The following CALN1 variants were observed in gnomAD, a reference collection of about 807,000 sequenced individuals.
CALN1 encodes the protein calcium-binding protein 8.
Under a neutral mutation model 30.6 loss-of-function variants are expected in CALN1, and 17 were observed. That is an observed-to-expected ratio of 0.56 (90% CI 0.38 to 0.83). The LOEUF (loss-of-function observed/expected upper bound fraction) is 0.83, where lower values mean the gene tolerates loss of function less well. Among genes scored for constraint, CALN1 ranks in the 40% least tolerant of loss-of-function variants. The pLI is 0.00. For missense variants in CALN1, 291 were observed against 354.9 expected, an observed-to-expected ratio of 0.82 and a Z score of 1.45; for synonymous variants, 156 against 131.4, an observed-to-expected ratio of 1.19 and a Z score of -1.28.
At chr7:72,223,557 G>C (rs919369124) in intron 3 of CALN1, among the ~76,000 whole-genome samples, 3 of 152,144 alleles carry the variant, frequency 2.0e-5, no homozygotes, top group African/African-American at 7.2e-5. Flanking sequence ...CACTTTCCCT[G>C]AACTTGGTCT....
At chr7:72,314,426 C>T (rs958048676) in intron 2 of CALN1, among the ~76,000 whole-genome samples, 10 of 118,632 alleles carry the variant, frequency 8.4e-5, no homozygotes, top group East Asian at 3.5e-4. Flanking sequence ...TACACACATA[C>T]ATAGATTTTT....
intron 5 of CALN1, among the ~76,000 whole-genome samples, chr7:71,831,305 C>A (rs1445457498): frequency 1.3e-5 from 2 of 151,984 alleles, no homozygotes; most frequent in Non-Finnish European, 2.9e-5. Flanking sequence ...ATGGTGAAAC[C>A]CCGTCTCTAC....
At chr7:72,434,391 G>A (rs971300793) in intron 1 of CALN1, among the ~76,000 whole-genome samples, 5 of 151,370 alleles carry the variant, frequency 3.3e-5, no homozygotes, top group African/African-American at 7.3e-5. Context: ...GCGTACTGGC[G>A]GGCACCTGTA....
chr7:72,188,826 T>C (rs1790396071), intron 3 of CALN1, among the ~76,000 whole-genome samples: 1 of 152,164 alleles, frequency 6.6e-6, no homozygotes, highest in South Asian at 2.1e-4. Flanking sequence ...GTGTCCGTCT[T>C]TCTCCCACCT....
intron 1 of CALN1, among the ~76,000 whole-genome samples, chr7:72,442,879 G>A (rs1808397588): frequency 6.6e-6 from 1 of 152,102 alleles, no homozygotes; most frequent in South Asian, 2.1e-4. Flanking sequence ...ATTTAGGATT[G>A]CACTTTATTA....
At chr7:72,070,622 G>T (rs1728018364) in intron 4 of CALN1, among the ~76,000 whole-genome samples, 1 of 152,174 alleles carries the variant, frequency 6.6e-6, no homozygotes. Flanking sequence ...GTGGCTTTAT[G>T]AATTAGGATT....
At chr7:72,207,740 G>T (rs983958699) in intron 3 of CALN1, among the ~76,000 whole-genome samples, 2 of 152,146 alleles carry the variant, frequency 1.3e-5, no homozygotes, top group African/African-American at 4.8e-5. Context: ...GACACACAAT[G>T]CATGTTTGTT....
intron 3 of CALN1, among the ~76,000 whole-genome samples, chr7:72,218,023 T>C (rs1210071210): frequency 2.6e-5 from 4 of 151,186 alleles, no homozygotes; most frequent in Non-Finnish European, 5.9e-5. Context: ...TTTGTACTTT[T>C]AGTAGAGACG....
At chr7:72,356,315 T>TAAA (rs1803226504) in intron 2 of CALN1, among the ~76,000 whole-genome samples, 1 of 151,172 alleles carries the variant, frequency 6.6e-6, no homozygotes, top group South Asian at 2.1e-4. Context: ...CTAATAATAA[T>TAAA]AAATGCTAAT....
intron 5 of CALN1, among the ~76,000 whole-genome samples, chr7:71,820,345 A>T (rs1201955849): frequency 1.3e-5 from 2 of 152,194 alleles, no homozygotes; most frequent in African/African-American, 2.4e-5. Flanking sequence ...ATGTGTATTG[A>T]CATTTTACAT....
chr7:71,865,957 G>C (rs375925958), intron 5 of CALN1, among the ~76,000 whole-genome samples: 2 of 151,802 alleles, frequency 1.3e-5, no homozygotes, highest in East Asian at 3.9e-4. Context: ...AAAAGTATAC[G>C]AATAGCAGCT....
chr7:71,848,260 G>A (rs370332885), intron 5 of CALN1, among the ~76,000 whole-genome samples: 1 of 152,172 alleles, frequency 6.6e-6, no homozygotes, highest in South Asian at 2.1e-4. Context: ...GGATGATAAA[G>A]TATCCCCCTC....
intron 1 of CALN1, among the ~76,000 whole-genome samples, chr7:72,404,311 G>A (rs1432938762): frequency 6.6e-6 from 1 of 152,142 alleles, no homozygotes; most frequent in African/African-American, 2.4e-5. Context: ...TGGCATTTAG[G>A]CCCAGGCAGG....
intron 2 of CALN1, among the ~76,000 whole-genome samples, chr7:72,376,783 A>C (rs1208520066): frequency 6.6e-6 from 1 of 152,222 alleles, no homozygotes; most frequent in East Asian, 1.9e-4. Flanking sequence ...ATTGCTGCCT[A>C]ACCCAAGTCA....
chr7:71,784,760 G>C lies in CALN1; in HGVS notation c.*3015C>G. On this transcript the variant is annotated 3_prime_UTR_variant, in exon 7 of 7. Transcript: ENST00000395275. ...TTCCTAAGTCCGGAGGACAGAATGA[G>C]GGGTGAGCTATTCCCTCTCAATTCC... 1 of 398,608 alleles carries C rather than the reference G, an allele frequency of 2.5e-6. No homozygotes were observed. Among genetic ancestry groups the C allele is most frequent in the Non-Finnish European group, 4.4e-6 (1 of 226,100 alleles). The allele number at this position is 398,608 out of a possible 1,614,324, so 24.7% of individuals were successfully genotyped here. A position where few individuals can be genotyped will look rare whatever the true frequency, so the allele number is the denominator to read the frequency against.
At position 71,781,184 on chromosome 7, in the gene CALN1, G is replaced by T. The variant is rs189876541; in HGVS notation, c.*6591C>A. The T allele has an allele frequency of 3.3e-5, 5 of 152,182 alleles. No homozygotes were observed. Among genetic ancestry groups the T allele is most frequent in the African/African-American group, 4.8e-5 (2 of 41,442 alleles). The allele number at this position is 152,182 out of a possible 1,614,324, so 9.4% of individuals were successfully genotyped here. ...CAAAATAGATGGGAGGGCTTGTCTG[G>T]TTTACTTTTCCTCTGGCTTTAGAGA... On this transcript the variant is annotated 3_prime_UTR_variant, in exon 7 of 7. Transcript: ENST00000395275.
chr7:72,044,424 T>G (rs1411387405), intron 4 of CALN1, among the ~76,000 whole-genome samples: 2 of 151,938 alleles, frequency 1.3e-5, no homozygotes, highest in African/African-American at 4.8e-5. Context: ...AAGGGGGACT[T>G]TATTTCCCAT....
At chr7:71,977,177 TTGATA>T (rs1400463843) in intron 5 of CALN1, among the ~76,000 whole-genome samples, 6 of 152,210 alleles carry the variant, frequency 3.9e-5, no homozygotes, top group Non-Finnish European at 8.8e-5. Flanking sequence ...ACCCTTTTGC[TTGATA>T]ACAATGTCTC....
intron 2 of CALN1, among the ~76,000 whole-genome samples, chr7:72,374,345 A>G (rs1395941374): frequency 1.3e-5 from 2 of 152,156 alleles, no homozygotes; most frequent in Non-Finnish European, 2.9e-5. Context: ...CCTGGCCAAC[A>G]GGGCAAAACC....
Sources: allele counts gnomAD v4.1 joint callset (sites outside exome capture counted in the v4.1 genomes callset), GRCh38; gene constraint gnomAD v4.1.1; transcripts MANE v1.5; gene names NCBI Gene and HGNC (gene_info 2026-07-23, HGNC 2026-07-21).